PACS1: variants seen among roughly 807,000 people sequenced by gnomAD.
The protein encoded by PACS1 is phosphofurin acidic cluster sorting protein 1, also known as PACS-1.
PACS1 carries 24 observed loss-of-function variants against 115.0 expected under a neutral mutation model. The ratio of observed to expected loss-of-function variants is 0.21; its 90% CI spans 0.15 to 0.29. The LOEUF (loss-of-function observed/expected upper bound fraction) is 0.29. PACS1 is among the 10% of genes least tolerant of loss of function. PACS1 has a pLI of 1.00. For missense variants in PACS1, 838 were observed against 1,251.2 expected (o/e 0.67, Z 4.98); for synonymous variants, 453 against 504.5 (o/e 0.90, Z 1.37).
intron 4 of PACS1, among the ~76,000 whole-genome samples, 155 bp downstream of exon 4, chr11:66,211,414 G>C (rs1487387096): frequency 6.6e-6 from 1 of 152,152 alleles, no homozygotes; most frequent in Non-Finnish European, 1.5e-5. Context: ...TGGAAATTCA[G>C]AGTATACTTG....
At chr11:66,102,775 T>C (rs1857949006) in intron 1 of PACS1, among the ~76,000 whole-genome samples, 1 of 152,164 alleles carries the variant, frequency 6.6e-6, no homozygotes, top group African/African-American at 2.4e-5. Context: ...TCTTTGTAGG[T>C]TGGATTACTG....
intron 1 of PACS1, among the ~76,000 whole-genome samples, chr11:66,172,223 C>T (rs1488536445): frequency 6.6e-6 from 1 of 152,104 alleles, no homozygotes; most frequent in Admixed American, 6.5e-5. Flanking sequence ...TACGGTATAT[C>T]CTTAAGACAC....
chr11:66,149,073 G>A (rs1859182161), intron 1 of PACS1, among the ~76,000 whole-genome samples: 1 of 148,876 alleles, frequency 6.7e-6, no homozygotes, highest in Admixed American at 6.7e-5. Context: ...GTGTGAGCAT[G>A]TGCACATGCA....
At chr11:66,240,421 C>T (rs933218283) in intron 21 of PACS1, among the ~76,000 whole-genome samples, 7 of 152,202 alleles carry the variant, frequency 4.6e-5, no homozygotes, top group African/African-American at 7.2e-5. Flanking sequence ...CTGCCTTCCG[C>T]CTTCGCCTCT....
Position 66,070,390 on chromosome 11 carries a change from G to C in PACS1, c.-97G>C. ...CTGCTCGCGCTCGGGCAGGCGGGCT[G>C]AGGAGGCTGCCGCGCCCCCGCCGCC... On this transcript the variant is annotated 5_prime_UTR_variant, in exon 1 of 24. Coordinates refer to ENST00000320580, the MANE Select transcript of PACS1 (RefSeq NM_018026.4). This position sits in a 1 kb window ranked among gnomAD's most constrained non-coding sequence, Gnocchi z 5.9. 1 of 695,644 alleles carries C rather than the reference G, an allele frequency of 1.4e-6. No individual in the cohort carries two copies. The highest frequency in any genetic ancestry group is 4.3e-5 in the East Asian group (1 of 23,490). The allele number at this position is 695,644 out of a possible 1,614,324, so 43.1% of individuals were successfully genotyped here.
intron 2 of PACS1, among the ~76,000 whole-genome samples, chr11:66,198,920 GTT>G (rs1854709421): frequency 6.6e-6 from 1 of 152,126 alleles, no homozygotes; most frequent in South Asian, 2.1e-4. Flanking sequence ...TAAAATATCT[GTT>G]TTAATTCATA....
intron 1 of PACS1, among the ~76,000 whole-genome samples, chr11:66,143,728 C>A (rs1859056296): frequency 6.6e-6 from 1 of 152,108 alleles, no homozygotes; most frequent in African/African-American, 2.4e-5. Context: ...CAACCTCTGC[C>A]TCCTGGGTTC....
At chr11:66,134,501 C>G (rs76092442) in intron 1 of PACS1, among the ~76,000 whole-genome samples, 2 of 151,826 alleles carry the variant, frequency 1.3e-5, no homozygotes, top group African/African-American at 4.8e-5. Flanking sequence ...CGCTACGTAT[C>G]GTTGCCATTT....
intron 1 of PACS1, among the ~76,000 whole-genome samples, chr11:66,114,839 A>G (rs370993393): frequency 1.3e-5 from 2 of 152,286 alleles, no homozygotes; most frequent in Non-Finnish European, 1.5e-5. Flanking sequence ...CAAAAGCACT[A>G]TAAGTGGTTA....
rs1177227725 is a variant in PACS1, at chr11:66,244,251, C to T, written c.*971C>T. On this transcript the variant is annotated 3_prime_UTR_variant, in exon 24 of 24. Coordinates refer to ENST00000320580, the MANE Select transcript of PACS1 (RefSeq NM_018026.4). ...ATTCTGTTTCATCTCCCATTCATCT[C>T]CCTCCTCCCACCGTGTCAGTTTTTC... The T allele has an allele frequency of 6.6e-6, 1 of 152,438 alleles. No individual in the cohort carries two copies. Among genetic ancestry groups the T allele is most frequent in the Non-Finnish European group, 1.5e-5 (1 of 68,200 alleles). 9.4% of individuals were successfully genotyped at this position (152,438 alleles called of 1,614,324 possible). A position where few individuals can be genotyped will look rare whatever the true frequency, so the allele number is the denominator to read the frequency against.
rs968901476 is a variant in PACS1 at position 66,150,764 on chromosome 11, T to C, written c.357-42722T>C. On this transcript the variant is annotated intron_variant, in intron 1 of 23. Transcript: ENST00000320580. ...GTGGTTGCATAAACCCTCCTACAGA[T>C]AACAATTGAAAGATCTGGGTAAAAT... is the stretch of plus-strand genomic sequence containing the variant. Among the ~76,000 whole-genome samples the C allele has an allele frequency of 2.6e-5, 4 of 152,166 alleles. No homozygotes were observed. In the South Asian group the frequency reaches 8.3e-4, roughly 32 times the overall value.
intron 1 of PACS1, among the ~76,000 whole-genome samples, chr11:66,163,178 A>G (rs1038975278): frequency 7.2e-5 from 11 of 151,944 alleles, no homozygotes; most frequent in Admixed American, 5.2e-4. Context: ...GTGAAATGCC[A>G]TCTCTACCAA....
At chr11:66,195,143 G>A (rs966371408) in intron 2 of PACS1, among the ~76,000 whole-genome samples, 2 of 152,210 alleles carry the variant, frequency 1.3e-5, no homozygotes, top group Non-Finnish European at 2.9e-5. Flanking sequence ...GAGCCTGGGA[G>A]GGAGAGGTTG....
intron 1 of PACS1, among the ~76,000 whole-genome samples, chr11:66,143,841 T>C (rs1385090277): frequency 6.6e-6 from 1 of 152,220 alleles, no homozygotes; most frequent in Non-Finnish European, 1.5e-5. Flanking sequence ...GGTTTTGCTA[T>C]GTTGGCCAGG....
In PACS1 at chr11:66,235,418, G is replaced by T. The variant is rs1302030095; in HGVS notation, c.2207+15G>T. The T allele has an allele frequency of 2.5e-6, 4 of 1,586,106 alleles. No individual in the cohort carries two copies. The highest frequency in any genetic ancestry group is 1.1e-5 in the South Asian group (1 of 90,484). ...CGGCATAAGTTGTAAGTTTGACTTT[G>T]AGGGGTTTCTTAAAAATAGGTTGGG... is the stretch of plus-strand genomic sequence containing the variant. On this transcript the variant is annotated intron_variant, in intron 18 of 23. Coordinates refer to ENST00000320580, the MANE Select transcript of PACS1 (RefSeq NM_018026.4). The surrounding 1 kb of genome is among the most constrained non-coding windows in gnomAD (Gnocchi z 5.6).
At chr11:66,142,999 T>C (rs1204231880) in intron 1 of PACS1, among the ~76,000 whole-genome samples, 1 of 151,866 alleles carries the variant, frequency 6.6e-6, no homozygotes, top group Non-Finnish European at 1.5e-5. Flanking sequence ...ATTCCATTAT[T>C]TACAGACAGG....
Position 66,233,050 on chromosome 11 carries a change from A to G in PACS1, c.1822A>G (p.Thr608Ala). 1 of 1,609,348 alleles carries G rather than the reference A, an allele frequency of 6.2e-7. No individual in the cohort carries two copies. The highest frequency in any genetic ancestry group is 1.3e-5 in the African/African-American group (1 of 74,964). ...CCAGGCCGTGCTGTCCGCCCTGCTC[A>G]CCCGGATCCAGCGCTAGTAAGGGCT... The part of the protein sequence containing the change: ...EVQAVLSALL[T>A]RIQRYCNCNS... The change falls in exon 15 of 24, where the codon ACC becomes GCC. Residue 608 changes from threonine to alanine, a missense_variant. Thr to Ala is a moderately conservative substitution (Grantham distance 58). Around this residue, in one of 6 missense-constraint regions of PACS1, gnomAD observed 383 missense variants for 537.0 expected, o/e 0.71. Coordinates refer to ENST00000320580, the MANE Select transcript of PACS1 (RefSeq NM_018026.4). This position sits in a 1 kb window ranked among gnomAD's most constrained non-coding sequence, Gnocchi z 4.5.
At chr11:66,209,122 G>C (rs998901404) in intron 2 of PACS1, among the ~76,000 whole-genome samples, 1 of 151,448 alleles carries the variant, frequency 6.6e-6, no homozygotes, top group African/African-American at 2.4e-5. Context: ...GTTTGGAGGC[G>C]GGGAGGTTAC....
intron 13 of PACS1, 69 bp downstream of exon 13, chr11:66,231,009 G>A: frequency 6.3e-7 from 1 of 1,579,824 alleles, no homozygotes; most frequent in Non-Finnish European, 8.7e-7. Context: ...CTGTTTTGTT[G>A]GCTTCCTTGG....
Sources: allele counts gnomAD v4.1 joint callset (sites outside exome capture counted in the v4.1 genomes callset), GRCh38; gene constraint gnomAD v4.1.1; regional missense constraint gnomAD v4.1.1; non-coding constraint Gnocchi (gnomAD v3.1); transcripts MANE v1.5; gene names NCBI Gene and HGNC (gene_info 2026-07-23, HGNC 2026-07-21).